The following SCLY variants were observed in gnomAD, a reference collection of about 807,000 sequenced individuals.
The protein encoded by SCLY is selenocysteine lyase, also known as putative selenocysteine lyase.
SCLY carries 38 observed loss-of-function variants against 50.1 expected under a neutral mutation model. The observed-to-expected ratio is 0.76, with a 90% CI of 0.59 to 0.99. The LOEUF (loss-of-function observed/expected upper bound fraction) is 0.99, where lower values mean the gene tolerates loss of function less well. Among genes scored for constraint, SCLY ranks in the 50% least tolerant of loss-of-function variants. SCLY has a pLI of 0.00. For missense variants in SCLY, 600 were observed against 620.0 expected (o/e 0.97, Z 0.34); for synonymous variants, 243 against 249.4 (o/e 0.97, Z 0.24).
Position 238,098,256 on chromosome 2 carries a change from G to T in SCLY, c.1239G>T (p.Ala413=), listed in dbSNP as rs955816007. 3 of 1,610,582 alleles carry T rather than the reference G, an allele frequency of 1.9e-6. No homozygotes were observed. Among genetic ancestry groups the T allele is most frequent in the Non-Finnish European group, 2.5e-6 (3 of 1,179,598 alleles). ...TCCCCTTCGACGTGGCCAGGAACGCGCTCCGGCTCAGCGTGGGCCGCAGCA... is the reference window on the plus strand; with the variant it reads ...TCCCCTTCGACGTGGCCAGGAACGCTCTCCGGCTCAGCGTGGGCCGCAGCA... ...YGVPFDVARN[A]LRLSVGRSTT... Residue 413 remains alanine, a synonymous_variant, in exon 12 of 12, where the codon GCG becomes GCT. Transcript: ENST00000254663.
intron 8 of SCLY, 136 bp downstream of exon 8, chr2:238,091,390 A>T: frequency 1.3e-6 from 1 of 782,730 alleles, no homozygotes; most frequent in Non-Finnish European, 2.3e-6. Flanking sequence ...AAAGCCTGGA[A>T]TCTGATTTAT....
At chr2:238,097,746 C>T (rs1165639151) in intron 11 of SCLY, among the ~76,000 whole-genome samples, 3 of 152,134 alleles carry the variant, frequency 2.0e-5, no homozygotes, top group Non-Finnish European at 4.4e-5. Context: ...AGGATGTCCC[C>T]ACGCAGTCAT....
intron 11 of SCLY, 38 bp from the exon 12 acceptor site, chr2:238,098,164 C>A (rs1369552735): frequency 6.3e-7 from 1 of 1,598,792 alleles, no homozygotes; most frequent in Non-Finnish European, 8.5e-7. Context: ...TTCCATGTGC[C>A]CTCAGCAGCA....
At position 238,064,598 on chromosome 2, in the gene SCLY, G is replaced by T. The variant is rs1450994348; in HGVS notation, c.202+129G>T. On this transcript the variant is annotated intron_variant, in intron 2 of 11. Transcript: ENST00000254663. ...TTCTGTTAGCTGCAATTCTTGAGCTGTAATTTTTGATAGTTTCTTTTCTGG... is the reference window on the plus strand; with the variant it reads ...TTCTGTTAGCTGCAATTCTTGAGCTTTAATTTTTGATAGTTTCTTTTCTGG... The T allele has an allele frequency of 1.7e-5, 9 of 526,526 alleles. No homozygotes were observed. In the East Asian group the frequency reaches 2.8e-4, roughly 16 times the overall value. 32.6% of individuals were successfully genotyped at this position (526,526 alleles called of 1,614,324 possible).
chr2:238,095,376 A>C (rs1695225910), intron 10 of SCLY: 1 of 152,170 alleles, frequency 6.6e-6, no homozygotes, highest in South Asian at 2.1e-4. Flanking sequence ...GACCAGCCGC[A>C]TGTCATTTGG....
intron 1 of SCLY, 67 bp from the exon 2 acceptor site, chr2:238,064,290 G>A: frequency 9.9e-7 from 1 of 1,011,034 alleles, no homozygotes; most frequent in South Asian, 1.5e-5. Context: ...GATAGACACA[G>A]AGCAGCCATA....
chr2:238,098,098 C>A (rs540253365), intron 11 of SCLY, 104 bp from the exon 12 acceptor site: 35 of 1,374,588 alleles, frequency 2.5e-5, no homozygotes, highest in Non-Finnish European at 3.3e-5. Flanking sequence ...AGGCGCACAT[C>A]CGGGTGGGCA....
intron 4 of SCLY, chr2:238,079,573 C>T (rs998113825): frequency 2.0e-5 from 3 of 152,124 alleles, no homozygotes; most frequent in African/African-American, 7.2e-5. Context: ...GTGTTATAGC[C>T]CTAACAAAAT....
chr2:238,099,381 CTAAAT>C lies in SCLY; in HGVS notation c.*1030_*1034del, dbSNP rs1448715424. 4.3e-6 allele frequency: 2 copies of C among 465,444 alleles called. No individual in the cohort carries two copies. Among genetic ancestry groups the C allele is most frequent in the African/African-American group, 2.0e-5 (1 of 49,766 alleles). The allele number at this position is 465,444 out of a possible 1,614,324, so 28.8% of individuals were successfully genotyped here. A position where few individuals can be genotyped will look rare whatever the true frequency, so the allele number is the denominator to read the frequency against. ...ATTTTGAGGAAACACTTGCCAGAAA[CTAAAT>C]TAACGAATAAAAGATTTCAGTGCCC... On this transcript the variant is annotated 3_prime_UTR_variant, in exon 12 of 12. Transcript: ENST00000254663.
At chr2:238,086,418 G>A (rs1553566700) in intron 7 of SCLY, among the ~76,000 whole-genome samples, 1 of 152,200 alleles carries the variant, frequency 6.6e-6, no homozygotes, top group Non-Finnish European at 1.5e-5. Context: ...CTGGCAAAGT[G>A]ACAACAACAC....
chr2:238,084,786 C>T (rs1178006809), intron 7 of SCLY, among the ~76,000 whole-genome samples: 3 of 141,386 alleles, frequency 2.1e-5, no homozygotes, highest in East Asian at 2.2e-4. Flanking sequence ...CCCAGCTACT[C>T]GGGAGGCTAA....
intron 7 of SCLY, among the ~76,000 whole-genome samples, chr2:238,084,135 G>A (rs1161230951): frequency 2.0e-5 from 3 of 152,178 alleles, no homozygotes; most frequent in Admixed American, 6.5e-5. Flanking sequence ...GCTGTAACAA[G>A]GTATCCCACA....
intron 4 of SCLY, chr2:238,081,257 T>C (rs1011173718): frequency 1.9e-5 from 3 of 156,710 alleles, no homozygotes; most frequent in Non-Finnish European, 4.2e-5. Flanking sequence ...AGCTAAACAA[T>C]GTAGTCCCCT....
intron 11 of SCLY, among the ~76,000 whole-genome samples, chr2:238,097,673 G>A (rs62196004): frequency 0.14 from 21,154 of 152,018 alleles, 1,628 homozygotes; most frequent in South Asian, 0.27. Flanking sequence ...AAAGGGACCC[G>A]GGTGTGATGA....
At chr2:238,091,973 C>G (rs1239641980) in intron 8 of SCLY, 1 of 152,314 alleles carries the variant, frequency 6.6e-6, no homozygotes, top group Non-Finnish European at 1.5e-5. Context: ...AGAGAAAGGG[C>G]TTAGCGCCCA....
intron 4 of SCLY, among the ~76,000 whole-genome samples, chr2:238,071,357 G>A (rs185195491): frequency 2.0e-5 from 3 of 152,182 alleles, no homozygotes; most frequent in East Asian, 1.9e-4. Flanking sequence ...CTGTCATCCC[G>A]GCACTTTGGG....
intron 8 of SCLY, 22 bp from the exon 9 acceptor site, chr2:238,093,839 C>G (rs1264284977): frequency 2.5e-6 from 4 of 1,609,408 alleles, no homozygotes; most frequent in Non-Finnish European, 2.5e-6. Flanking sequence ...TGTGCATCCA[C>G]TTGTTGTGTG....
chr2:238,098,302 C>A lies in SCLY; in HGVS notation c.1285C>A (p.Leu429Ile). 6.2e-7 allele frequency: 1 copy of A among 1,608,466 alleles called. No homozygotes were observed. The change falls in exon 12 of 12, where the codon CTC (leucine) becomes ATC (isoleucine). Residue 429 changes from leucine (L) to isoleucine (I), a missense_variant. Leu to Ile is a conservative substitution (Grantham distance 5). Coordinates refer to ENST00000254663, the MANE Select transcript of SCLY (RefSeq NM_016510.7). ...CAGCACCACCAGGGCCGAGGTGGAC[C>A]TCGTCGTGCAGGACCTGAAGCAGGC... The part of the protein sequence containing the change: ...GRSTTRAEVD[L>I]VVQDLKQAVA...
intron 4 of SCLY, among the ~76,000 whole-genome samples, chr2:238,070,817 G>A (rs2065120390): frequency 6.6e-6 from 1 of 150,814 alleles, no homozygotes; most frequent in African/African-American, 2.4e-5. Context: ...TTTAAGTACT[G>A]TTAGTTTTTG....
Sources: gnomAD v4.1 joint callset for allele counts (sites outside exome capture counted in the v4.1 genomes callset) on GRCh38, gnomAD v4.1.1 for gene constraint, MANE v1.5 for transcripts, NCBI Gene and HGNC (gene_info 2026-07-23, HGNC 2026-07-21) for gene names.